UNK: variants seen among roughly 807,000 people sequenced by gnomAD.
UNK encodes the protein unk zinc finger.
A neutral mutation model predicts 97.6 loss-of-function variants in UNK; 32 were observed. That is an observed-to-expected ratio of 0.33 (90% CI 0.25 to 0.44). The LOEUF (loss-of-function observed/expected upper bound fraction) is 0.44, where lower values mean the gene tolerates loss of function less well. Among genes scored for constraint, UNK ranks in the 20% least tolerant of loss-of-function variants. The probability of loss-of-function intolerance (pLI) is 1.00; values close to 1 mark genes in which losing one functional copy is unlikely to be tolerated. For synonymous variants in UNK, 441 were observed against 461.2 expected (o/e 0.96, Z 0.56); for missense variants, 771 against 1,098.4 (o/e 0.70, Z 4.21).
intron 1 of UNK, among the ~76,000 whole-genome samples, chr17:75,796,568 C>T (rs556111071): frequency 1.3e-5 from 2 of 152,256 alleles, no homozygotes; most frequent in South Asian, 4.1e-4. Context: ...CTCAAGCAGT[C>T]GTCCTGCCTC....
At position 75,805,983 on chromosome 17, in the gene UNK, A is replaced by T. The variant is rs139847768; in HGVS notation, c.105-3777A>T. Among the ~76,000 whole-genome samples the T allele has an allele frequency of 7.2e-3, 1,098 of 152,024 alleles. 14 individuals are homozygous for T. Among genetic ancestry groups the T allele is most frequent in the African/African-American group, 0.026 (1,069 of 41,438 alleles). ...TAAAGTCCGCTGGGCGTGGTGGCTC[A>T]CGCCTGTAATCCTAGCACTTTGGGA... On this transcript the variant is annotated intron_variant, in intron 1 of 15. Transcript: ENST00000589666.
intron 1 of UNK, among the ~76,000 whole-genome samples, chr17:75,801,852 CTT>C (rs768109419): frequency 3.3e-4 from 45 of 136,390 alleles, no homozygotes; most frequent in Admixed American, 3.0e-4. Context: ...TCCCCCCAGC[CTT>C]TTTTTTTTTT....
At chr17:75,805,809 A>ATGTGTGTGTGTGT (rs1567800919) in intron 1 of UNK, among the ~76,000 whole-genome samples, 23 of 96,492 alleles carry the variant, frequency 2.4e-4, no homozygotes, top group African/African-American at 1.4e-3. Flanking sequence ...TAAAAAGAAA[A>ATGTGTGTGTGTGT]ATGTGTGTGT....
chr17:75,809,808 C>T lies in UNK; in HGVS notation c.153C>T (p.His51=). The T allele has an allele frequency of 1.9e-6, 3 of 1,613,452 alleles. No homozygotes were observed. Among genetic ancestry groups the T allele is most frequent in the South Asian group, 1.1e-5 (1 of 91,020 alleles). ...AGCAGTGCCCACTCTTTGTGCAACACAAATGCACGCAGCATCGGCCCTACA... is the reference window on the plus strand; with the variant it reads ...AGCAGTGCCCACTCTTTGTGCAACATAAATGCACGCAGCATCGGCCCTACA... ...RTEQCPLFVQ[H]KCTQHRPYTC... Residue 51 remains histidine, a synonymous_variant, in exon 2 of 16, where the codon CAC becomes CAT. Coordinates refer to ENST00000589666, the MANE Select transcript of UNK (RefSeq NM_001080419.3).
At chr17:75,812,682 G>A (rs763893021) in intron 4 of UNK, 97 bp downstream of exon 4, 7 of 1,498,788 alleles carry the variant, frequency 4.7e-6, no homozygotes, top group South Asian at 2.6e-5. Context: ...TGCTCTAGCC[G>A]AGGCCCCGAC....
intron 15 of UNK, 129 bp downstream of exon 15, chr17:75,823,651 C>A: frequency 7.6e-7 from 1 of 1,309,868 alleles, no homozygotes. Flanking sequence ...ACTGGGCCAG[C>A]ACTCAAAAGG....
rs1251825369 is a variant in UNK, at chr17:75,809,776, C to T, written c.121C>T (p.Arg41Cys). Reference sequence around the variant, plus strand: ...TCTCTGCAGGTACCTGAAAGAATTCCGCACAGAGCAGTGCCCACTCTTTGT... The same window carrying T: ...TCTCTGCAGGTACCTGAAAGAATTCTGCACAGAGCAGTGCCCACTCTTTGT... Reference protein sequence around the residue: ...PQHYTYLKEFRTEQCPLFVQH... With the variant: ...PQHYTYLKEFCTEQCPLFVQH... The change falls in exon 2 of 16, where the codon CGC (arginine) becomes TGC (cysteine). Residue 41 changes from arginine (R) to cysteine (C), a missense_variant. Physicochemically the swap from Arg to Cys is radical, Grantham distance 180. Transcript: ENST00000589666. 1.2e-6 allele frequency: 2 copies of T among 1,609,794 alleles called. No homozygotes were observed. The highest frequency in any genetic ancestry group is 1.7e-6 in the Non-Finnish European group (2 of 1,178,202).
intron 1 of UNK, among the ~76,000 whole-genome samples, chr17:75,805,124 T>G (rs1446912686): frequency 6.7e-6 from 1 of 148,452 alleles, no homozygotes; most frequent in Non-Finnish European, 1.5e-5. Flanking sequence ...GAGCTTGCAG[T>G]GAGCTGAGAT....
intron 13 of UNK, among the ~76,000 whole-genome samples, chr17:75,821,079 G>A (rs1316754131): frequency 6.7e-6 from 1 of 149,478 alleles, no homozygotes; most frequent in Non-Finnish European, 1.5e-5. Flanking sequence ...TAGGGTCTCA[G>A]TCTGTCACCC....
chr17:75,809,886 T>A lies in UNK; in HGVS notation c.231T>A (p.Arg77=). Reference sequence around the variant, plus strand: ...AGCGGCGCCGCCGGTCCATCCGCCGTCGGGACGGCACCTTCAATTACAGCC... The same window carrying A: ...AGCGGCGCCGCCGGTCCATCCGCCGACGGGACGGCACCTTCAATTACAGCC... The part of the protein sequence containing the change: ...VNQRRRRSIR[R]RDGTFNYSPD... The change falls in exon 2 of 16, where the codon CGT becomes CGA. Residue 77 remains arginine, a synonymous_variant. Transcript: ENST00000589666. The A allele has an allele frequency of 6.2e-7, 1 of 1,613,868 alleles. No homozygotes were observed. The highest frequency in any genetic ancestry group is 8.5e-7 in the Non-Finnish European group (1 of 1,179,884).
chr17:75,800,020 A>G (rs1326048697), intron 1 of UNK, among the ~76,000 whole-genome samples: 2 of 152,188 alleles, frequency 1.3e-5, no homozygotes, highest in South Asian at 2.1e-4. Flanking sequence ...ACCGGCTTGC[A>G]TGCCAAATCC....
chr17:75,812,959 G>A, intron 4 of UNK, 119 bp from the exon 5 acceptor site: 1 of 1,380,848 alleles, frequency 7.2e-7, no homozygotes. Flanking sequence ...ACATCTGGCA[G>A]GGGCCTCCTG....
intron 1 of UNK, chr17:75,793,393 A>G (rs2061779407): frequency 2.0e-6 from 2 of 983,882 alleles, no homozygotes; most frequent in Non-Finnish European, 2.4e-6. Context: ...CAAACTTTTT[A>G]TTATTTCTCT....
chr17:75,825,618 C>T lies in UNK; in HGVS notation c.*1201C>T, dbSNP rs1351989966. 1 of 152,430 alleles carries T rather than the reference C, an allele frequency of 6.6e-6. No homozygotes were observed. Among genetic ancestry groups the T allele is most frequent in the African/African-American group, 2.4e-5 (1 of 41,454 alleles). 9.4% of individuals were successfully genotyped at this position (152,430 alleles called of 1,614,324 possible). A position where few individuals can be genotyped will look rare whatever the true frequency, so the allele number is the denominator to read the frequency against. On this transcript the variant is annotated 3_prime_UTR_variant, in exon 16 of 16. Transcript: ENST00000589666. The surrounding 1 kb of genome is among the most constrained non-coding windows in gnomAD (Gnocchi z 4.4). ...TGGGCGGAGGGGAGCAGCCGCACCC[C>T]CAGCACCGGGTGTCTGCGGTAGGAA...
intron 13 of UNK, 71 bp downstream of exon 13, chr17:75,820,179 A>C (rs1333166060): frequency 1.3e-6 from 2 of 1,484,432 alleles, no homozygotes; most frequent in African/African-American, 2.8e-5. Context: ...GCCTCTGGCC[A>C]CCCCATCTAC....
At chr17:75,812,427 C>T (rs755537629) in intron 3 of UNK, 28 bp from the exon 4 acceptor site, 3 of 1,601,812 alleles carry the variant, frequency 1.9e-6, no homozygotes, top group Non-Finnish European at 1.7e-6. Flanking sequence ...CCCCTCTCCA[C>T]CCTCTCTGTT....
At chr17:75,821,805 T>C (rs774033839) in intron 13 of UNK, 1 of 443,446 alleles carries the variant, frequency 2.3e-6, no homozygotes, top group South Asian at 1.6e-5. Context: ...GTTGAGCGAG[T>C]GAGCAGAGGG....
Position 75,824,169 on chromosome 17 carries a change from A to G in UNK, c.2278-93A>G. 1 of 1,396,646 alleles carries G rather than the reference A, an allele frequency of 7.2e-7. No individual in the cohort carries two copies. The highest frequency in any genetic ancestry group is 1.5e-5 in the South Asian group (1 of 66,954). The allele number at this position is 1,396,646 out of a possible 1,614,324, so 86.5% of individuals were successfully genotyped here. On this transcript the variant is annotated intron_variant, in intron 15 of 15. Coordinates refer to ENST00000589666, the MANE Select transcript of UNK (RefSeq NM_001080419.3). This position sits in a 1 kb window ranked among gnomAD's most constrained non-coding sequence, Gnocchi z 4.9. ...TTGAGCTCGGTACCTCAGTTTTCCCATCCCAAGGGGCTGCAGTGAGGATCA... is the reference window on the plus strand; with the variant it reads ...TTGAGCTCGGTACCTCAGTTTTCCCGTCCCAAGGGGCTGCAGTGAGGATCA...
chr17:75,810,867 C>T (rs1567803528), intron 2 of UNK, among the ~76,000 whole-genome samples: 4 of 152,194 alleles, frequency 2.6e-5, no homozygotes, highest in Admixed American at 1.3e-4. Flanking sequence ...ACCTCCTGAC[C>T]TCAGGTGATC....
Sources: gnomAD v4.1 joint callset for allele counts (sites outside exome capture counted in the v4.1 genomes callset) on GRCh38, gnomAD v4.1.1 for gene constraint, Gnocchi (gnomAD v3.1) non-coding constraint, MANE v1.5 for transcripts, NCBI Gene and HGNC (gene_info 2026-07-23, HGNC 2026-07-21) for gene names.